Variants in ATP2C2 observed in about 807,000 individuals in gnomAD.
The protein encoded by ATP2C2 is calcium-transporting ATPase type 2C member 2.
Under a neutral mutation model 110.8 loss-of-function variants are expected in ATP2C2, and 171 were observed. That is an observed-to-expected ratio of 1.54 (90% CI 1.36 to 1.75). The LOEUF (loss-of-function observed/expected upper bound fraction) is 1.75. ATP2C2 is among the 40% of genes most tolerant of loss of function. The pLI is 0.00. For missense variants in ATP2C2, 1,963 were observed against 1,235.0 expected (o/e 1.59, Z -8.84); for synonymous variants, 804 against 508.4 (o/e 1.58, Z -7.82).
At chr16:84,383,962 GTATTGTTGTA>G (rs1904291472) in intron 1 of ATP2C2, among the ~76,000 whole-genome samples, 1 of 151,678 alleles carries the variant, frequency 6.6e-6, no homozygotes, top group Non-Finnish European at 1.5e-5. Flanking sequence ...GCTAATTTTT[GTATTGTTGTA>G]GAGACTGGGT....
intron 10 of ATP2C2, among the ~76,000 whole-genome samples, chr16:84,423,841 G>C (rs11860694): frequency 0.46 from 69,962 of 152,082 alleles, 16,425 homozygotes; most frequent in African/African-American, 0.52. Flanking sequence ...TTCTAAGCAG[G>C]CTGTTCCTGG....
chr16:84,404,137 C>T (rs981812014), intron 2 of ATP2C2, among the ~76,000 whole-genome samples: 3 of 152,234 alleles, frequency 2.0e-5, no homozygotes, highest in Non-Finnish European at 2.9e-5. Context: ...AATATCCCCA[C>T]GTTCAGGTAC....
chr16:84,462,069 G>T lies in ATP2C2; in HGVS notation c.2662G>T (p.Ala888Ser). 6.2e-7 allele frequency: 1 copy of T among 1,614,072 alleles called. No individual in the cohort carries two copies. Among genetic ancestry groups the T allele is most frequent in the East Asian group, 2.2e-5 (1 of 44,872 alleles). The change falls in exon 26 of 27, where the codon GCG becomes TCG. Residue 888 changes from alanine to serine, a missense_variant. Coordinates refer to ENST00000262429, the MANE Select transcript of ATP2C2 (RefSeq NM_014861.4). ...CCTGGGGTCCATCCTGGGGCAGCTG[G>T]CGGTCATTTACATCCCCCCGCTGCA... Reference protein sequence around the residue: ...SVLGSILGQLAVIYIPPLQRV... With the variant: ...SVLGSILGQLSVIYIPPLQRV...
chr16:84,447,846 ATTATATT>A lies in ATP2C2; in HGVS notation c.1504-685_1504-679del, dbSNP rs923584008. On this transcript the variant is annotated intron_variant, in intron 16 of 26. Transcript: ENST00000262429. ...TAATGTATTAACATCTGTAATTAATATTATATTTATTAATAACATTAATATGTTAATT... is the reference window on the plus strand; with the variant it reads ...TAATGTATTAACATCTGTAATTAATATATTAATAACATTAATATGTTAATT... Among the ~76,000 whole-genome samples, 20 of 56,324 alleles carry A rather than the reference ATTATATT, an allele frequency of 3.6e-4. No individual in the cohort carries two copies. In the East Asian group the frequency reaches 8.9e-3, roughly 25 times the overall value. The allele number at this position is 56,324 out of a possible 152,430, so 37.0% of individuals were successfully genotyped here.
intron 16 of ATP2C2, among the ~76,000 whole-genome samples, 193 bp from the exon 17 acceptor site, chr16:84,448,340 A>G (rs1909946646): frequency 1.3e-5 from 2 of 152,222 alleles, no homozygotes; most frequent in Admixed American, 6.5e-5. Flanking sequence ...TCTGGACTGC[A>G]AAACGTTCCA....
intron 11 of ATP2C2, among the ~76,000 whole-genome samples, chr16:84,427,721 A>C (rs929710754): frequency 1.3e-5 from 2 of 152,110 alleles, no homozygotes; most frequent in African/African-American, 4.8e-5. Flanking sequence ...TGTCTGAAAA[A>C]AGAAACAAAC....
At chr16:84,377,534 C>CAG (rs1910319100) in intron 1 of ATP2C2, among the ~76,000 whole-genome samples, 1 of 152,020 alleles carries the variant, frequency 6.6e-6, no homozygotes, top group Non-Finnish European at 1.5e-5. Context: ...GGCTGCCTTC[C>CAG]CTGTGTCTTC....
At chr16:84,443,111 C>T (rs1364586011) in intron 15 of ATP2C2, among the ~76,000 whole-genome samples, 1 of 151,982 alleles carries the variant, frequency 6.6e-6, no homozygotes. Context: ...CTGATGGGGG[C>T]CTGCTGCATT....
chr16:84,453,120 G>A lies in ATP2C2; in HGVS notation c.1832-18G>A. The A allele has an allele frequency of 6.3e-7, 1 of 1,594,122 alleles. No homozygotes were observed. The highest frequency in any genetic ancestry group is 8.5e-7 in the Non-Finnish European group (1 of 1,170,098). On this transcript the variant is annotated intron_variant, in intron 18 of 26. Coordinates refer to ENST00000262429, the MANE Select transcript of ATP2C2 (RefSeq NM_014861.4). ...ACGCGGGCCTCAGAGCAGGCCCTCA[G>A]AACAGGTTCTTCTGAAGGAAGAAAC...
chr16:84,448,783 C>G lies in ATP2C2; in HGVS notation c.1660+94C>G, dbSNP rs186678812. On this transcript the variant is annotated intron_variant, in intron 17 of 26. Transcript: ENST00000262429. ...GCAGGGTCCCTAGTCAAGGAGGTCA[C>G]CCGTCCCAAGGAGTCAGGCAGCATG... The G allele has an allele frequency of 2.0e-5, 30 of 1,498,404 alleles. 1 individual carries two copies. In the East Asian group the frequency reaches 7.0e-4, roughly 35 times the overall value. 92.8% of individuals were successfully genotyped at this position (1,498,404 alleles called of 1,614,324 possible). A position where few individuals can be genotyped will look rare whatever the true frequency, so the allele number is the denominator to read the frequency against.
At chr16:84,426,663 G>T (rs993383813) in intron 11 of ATP2C2, among the ~76,000 whole-genome samples, 2 of 152,276 alleles carry the variant, frequency 1.3e-5, no homozygotes, top group East Asian at 1.9e-4. Context: ...GAGTTAGTCT[G>T]TGCAAGCACC....
chr16:84,458,453 AC>A (rs1225884207), intron 21 of ATP2C2, among the ~76,000 whole-genome samples: 1 of 146,796 alleles, frequency 6.8e-6, no homozygotes, highest in African/African-American at 2.5e-5. Flanking sequence ...TATGTAACTA[AC>A]CTGCACAATG....
At chr16:84,418,165 G>A (rs150991540) in intron 7 of ATP2C2, among the ~76,000 whole-genome samples, 112 of 152,308 alleles carry the variant, frequency 7.4e-4, no homozygotes, top group African/African-American at 2.5e-3. Flanking sequence ...TCCAAGTGAC[G>A]CTTCGTCTTG....
intron 1 of ATP2C2, among the ~76,000 whole-genome samples, chr16:84,378,394 G>A (rs114312835): frequency 6.6e-6 from 1 of 152,144 alleles, no homozygotes; most frequent in Admixed American, 6.5e-5. Flanking sequence ...TGAAAGTGGA[G>A]GTGTTGGGTG....
intron 23 of ATP2C2, chr16:84,459,773 C>T (rs1019987816): frequency 8.7e-6 from 5 of 576,036 alleles, no homozygotes; most frequent in Non-Finnish European, 1.5e-5. Context: ...TACACACAGA[C>T]ACACTTTTCC....
chr16:84,413,069 G>T (rs551820404), intron 6 of ATP2C2, among the ~76,000 whole-genome samples: 12 of 149,038 alleles, frequency 8.1e-5, no homozygotes, highest in African/African-American at 2.7e-4. Flanking sequence ...TTGTACTCCA[G>T]CCTGTGCGAT....
chr16:84,433,625 C>G (rs1003435369), intron 11 of ATP2C2, among the ~76,000 whole-genome samples: 6 of 151,880 alleles, frequency 4.0e-5, no homozygotes, highest in Non-Finnish European at 8.8e-5. Flanking sequence ...GCACTCCAGC[C>G]TAGGGAACAG....
intron 6 of ATP2C2, among the ~76,000 whole-genome samples, chr16:84,412,290 ATGTG>A (rs553690668): frequency 7.3e-5 from 5 of 68,712 alleles, no homozygotes; most frequent in African/African-American, 2.1e-4. Context: ...GTGTGCACGT[ATGTG>A]TGTGTGTGAG....
chr16:84,405,114 A>G lies in ATP2C2; in HGVS notation c.211-14A>G. 1 of 1,603,880 alleles carries G rather than the reference A, an allele frequency of 6.2e-7. No homozygotes were observed. The highest frequency in any genetic ancestry group is 8.5e-7 in the Non-Finnish European group (1 of 1,176,120). ...GCGCCCATGAGTGAGCTTGTGCCTG[A>G]CCTCTCCTTCCAGGTGGACTTACAC... On this transcript the variant is annotated splice_polypyrimidine_tract_variant and intron_variant, in intron 2 of 26. Coordinates refer to ENST00000262429, the MANE Select transcript of ATP2C2 (RefSeq NM_014861.4).
Sources: allele counts gnomAD v4.1 joint callset (sites outside exome capture counted in the v4.1 genomes callset), GRCh38; gene constraint gnomAD v4.1.1; transcripts MANE v1.5; gene names NCBI Gene and HGNC (gene_info 2026-07-23, HGNC 2026-07-21).